The following CPSF2 variants were observed in gnomAD, a reference collection of about 807,000 sequenced individuals.
CPSF2 encodes cleavage and polyadenylation specificity factor subunit 2.
CPSF2 carries 51 observed loss-of-function variants against 84.2 expected under a neutral mutation model. The observed-to-expected ratio is 0.61, with a 90% CI of 0.48 to 0.77. The LOEUF is 0.77. CPSF2 is among the 30% of genes least tolerant of loss of function. The pLI, the probability that CPSF2 is intolerant of heterozygous loss-of-function variation, is 0.00. For missense variants in CPSF2, 641 were observed against 929.4 expected, an observed-to-expected ratio of 0.69 and a Z score of 4.03; for synonymous variants, 286 against 311.9, an observed-to-expected ratio of 0.92 and a Z score of 0.87.
Position 92,165,094 on chromosome 14 carries a change from A to G in CPSF2, c.*3350A>G, listed in dbSNP as rs1353939370. 2 of 152,228 alleles carry G rather than the reference A, an allele frequency of 1.3e-5. No individual in the cohort carries two copies. Among genetic ancestry groups the G allele is most frequent in the Non-Finnish European group, 1.5e-5 (1 of 68,046 alleles). 9.4% of individuals were successfully genotyped at this position (152,228 alleles called of 1,614,324 possible). A position where few individuals can be genotyped will look rare whatever the true frequency, so the allele number is the denominator to read the frequency against. On this transcript the variant is annotated 3_prime_UTR_variant, in exon 16 of 16. Transcript: ENST00000298875. ...GTTTTCAGAGTGCATCACTGTTGTA[A>G]CATGTATCAGTACCCTTTTTGTGAC... is the stretch of plus-strand genomic sequence containing the variant.
At chr14:92,130,697 T>C (rs1163143543) in intron 2 of CPSF2, among the ~76,000 whole-genome samples, 1 of 152,132 alleles carries the variant, frequency 6.6e-6, no homozygotes, top group Non-Finnish European at 1.5e-5. Flanking sequence ...ACTACCCCAC[T>C]AGGGAGCCAC....
At chr14:92,133,046 C>T (rs577471832) in intron 3 of CPSF2, among the ~76,000 whole-genome samples, 10 of 151,386 alleles carry the variant, frequency 6.6e-5, no homozygotes, top group South Asian at 4.2e-4. Flanking sequence ...GCCGAGGTTG[C>T]GCCAGTGCAC....
intron 6 of CPSF2, among the ~76,000 whole-genome samples, chr14:92,135,903 A>G (rs2068992599): frequency 1.3e-5 from 2 of 152,126 alleles, no homozygotes. Flanking sequence ...CATAATTCCC[A>G]CATGTTGTGG....
intron 11 of CPSF2, among the ~76,000 whole-genome samples, chr14:92,156,219 C>T (rs1277136282): frequency 1.3e-5 from 2 of 151,938 alleles, no homozygotes; most frequent in African/African-American, 4.8e-5. Context: ...AACAGGGAGG[C>T]GGAGGTTGCA....
rs1272890690 is a variant in CPSF2 at position 92,164,452 on chromosome 14, T to C, written c.*2708T>C. 6.6e-6 allele frequency: 1 copy of C among 152,216 alleles called. No individual in the cohort carries two copies. The highest frequency in any genetic ancestry group is 1.5e-5 in the Non-Finnish European group (1 of 68,044). The allele number at this position is 152,216 out of a possible 1,614,324, so 9.4% of individuals were successfully genotyped here. On this transcript the variant is annotated 3_prime_UTR_variant, in exon 16 of 16. Coordinates refer to ENST00000298875, the MANE Select transcript of CPSF2 (RefSeq NM_017437.3). ...TCAATTACTTCAGAAAATATAAATT[T>C]TAAAGATGACTATGAGATAAATCAT...
At chr14:92,129,646 T>A (rs895495095) in intron 2 of CPSF2, among the ~76,000 whole-genome samples, 6 of 152,194 alleles carry the variant, frequency 3.9e-5, no homozygotes, top group Admixed American at 3.9e-4. Flanking sequence ...TGCTAATGAA[T>A]ATTTTCATAA....
intron 9 of CPSF2, among the ~76,000 whole-genome samples, chr14:92,152,936 T>A (rs1312939283): frequency 1.3e-5 from 2 of 152,076 alleles, no homozygotes; most frequent in African/African-American, 2.4e-5. Context: ...TGATGGATTT[T>A]AAAATTTTGT....
At chr14:92,148,703 T>C (rs943988104) in intron 9 of CPSF2, among the ~76,000 whole-genome samples, 1 of 150,716 alleles carries the variant, frequency 6.6e-6, no homozygotes, top group African/African-American at 2.4e-5. Context: ...TCCCAGCTAT[T>C]GAGGCAAGAG....
Position 92,135,440 on chromosome 14 carries a change from C to A in CPSF2, c.489C>A (p.Val163=). The change falls in exon 6 of 16, where the codon GTC becomes GTA. Residue 163 remains valine (V), a synonymous_variant. Transcript: ENST00000298875. The part of the protein sequence containing the change: ...HMIGGTIWKI[V]KDGEEEIVYA... Reference sequence around the variant, plus strand: ...TAGGTGGAACAATATGGAAAATAGTCAAAGATGGAGAAGAAGAAATTGTTT... The same window carrying A: ...TAGGTGGAACAATATGGAAAATAGTAAAAGATGGAGAAGAAGAAATTGTTT... 1 of 1,613,230 alleles carries A rather than the reference C, an allele frequency of 6.2e-7. No individual in the cohort carries two copies. Among genetic ancestry groups the A allele is most frequent in the Non-Finnish European group, 8.5e-7 (1 of 1,179,602 alleles).
At position 92,138,452 on chromosome 14, in the gene CPSF2, C is replaced by T. The variant is rs768389070; in HGVS notation, c.661+105C>T. On this transcript the variant is annotated intron_variant, in intron 7 of 15. Transcript: ENST00000298875. ...TACAGGTTTCTTTTTTTTTTTGAGA[C>T]GGACTTTCGCTCTTTCACCCAGGCT... 1.9e-4 allele frequency: 99 copies of T among 523,166 alleles called. 2 individuals are homozygous for T. The East Asian group carries it at 2.1e-3, about 11-fold the overall frequency. The allele number at this position is 523,166 out of a possible 1,614,324, so 32.4% of individuals were successfully genotyped here.
rs1161668936 is a variant in CPSF2 at position 92,154,976 on chromosome 14, T to G, written c.1242-147T>G. On this transcript the variant is annotated intron_variant, in intron 10 of 15. Transcript: ENST00000298875. The stretch of plus-strand genomic sequence containing the variant: ...TATGGGACCTCTGTTGTATATGTGG[T>G]CTATTGTTGTTGACCGACATAACTG... 3.8e-5 allele frequency: 23 copies of G among 598,070 alleles called. No homozygotes were observed. In the Admixed American group the frequency reaches 6.9e-4, roughly 18 times the overall value. The allele number at this position is 598,070 out of a possible 1,614,324, so 37.0% of individuals were successfully genotyped here.
chr14:92,155,643 T>A (rs2069279499), intron 11 of CPSF2, among the ~76,000 whole-genome samples: 1 of 152,010 alleles, frequency 6.6e-6, no homozygotes. Context: ...AGGAAGAACT[T>A]TGGGGCTGTG....
chr14:92,158,106 GA>G (rs1191480287), intron 13 of CPSF2, among the ~76,000 whole-genome samples: 1 of 152,128 alleles, frequency 6.6e-6, no homozygotes, highest in African/African-American at 2.4e-5. Context: ...ATCAAGAGGG[GA>G]AACCACCCAC....
intron 9 of CPSF2, among the ~76,000 whole-genome samples, chr14:92,153,866 C>CT (rs767628179): frequency 0.023 from 2,845 of 121,618 alleles, 114 homozygotes; most frequent in African/African-American, 0.072. Flanking sequence ...CCACTCCTGG[C>CT]TTTTTTTTTT....
chr14:92,157,720 A>G lies in CPSF2; in HGVS notation c.1657A>G (p.Ile553Val). ...RSDGDSIKKI[I>V]NQMKPRQLII... is the part of the protein sequence containing the mutation. Reference sequence around the variant, plus strand: ...TGATGGGGATTCCATTAAAAAAATCATTAATCAGATGAAACCACGACAGTT... The same window carrying G: ...TGATGGGGATTCCATTAAAAAAATCGTTAATCAGATGAAACCACGACAGTT... The change falls in exon 13 of 16, where the codon ATT becomes GTT. Residue 553 changes from isoleucine (I) to valine (V), a missense_variant. Transcript: ENST00000298875. This position sits in a 1 kb window ranked among gnomAD's most constrained non-coding sequence, Gnocchi z 4.0. 7.4e-6 allele frequency: 12 copies of G among 1,614,156 alleles called. No individual in the cohort carries two copies. The highest frequency in any genetic ancestry group is 5.5e-5 in the South Asian group (5 of 91,076).
At chr14:92,126,316 A>T (rs2068844904) in intron 2 of CPSF2, 136 bp downstream of exon 2, 1 of 152,252 alleles carries the variant, frequency 6.6e-6, no homozygotes, top group South Asian at 2.1e-4. Context: ...GCTGCAAGAT[A>T]CCTTGCATGT....
intron 2 of CPSF2, among the ~76,000 whole-genome samples, chr14:92,126,493 A>C (rs1420433792): frequency 6.6e-6 from 1 of 152,180 alleles, no homozygotes; most frequent in East Asian, 1.9e-4. Context: ...CAAATAGAGA[A>C]TTAATGTCTT....
intron 9 of CPSF2, among the ~76,000 whole-genome samples, chr14:92,144,723 A>G (rs1048770605): frequency 1.4e-4 from 22 of 152,226 alleles, no homozygotes; most frequent in African/African-American, 5.3e-4. Flanking sequence ...TTTCACATTC[A>G]TAACTTCACA....
chr14:92,125,025 C>T lies in CPSF2; in HGVS notation c.-93-1097C>T, dbSNP rs8018374. 2.2e-3 allele frequency among the ~76,000 whole-genome samples: 335 copies of T among 152,180 alleles called. 2 individuals carry two copies. Among genetic ancestry groups the T allele is most frequent in the African/African-American group, 7.4e-3 (308 of 41,508 alleles). On this transcript the variant is annotated intron_variant, in intron 1 of 15. Transcript: ENST00000298875. ...TGTCAGGGTGGCTTCCTGGCAACCTCCATTGCCAGTTAAGGCATTTGGTTT... is the reference window on the plus strand; with the variant it reads ...TGTCAGGGTGGCTTCCTGGCAACCTTCATTGCCAGTTAAGGCATTTGGTTT...
Sources: allele counts gnomAD v4.1 joint callset (sites outside exome capture counted in the v4.1 genomes callset), GRCh38; gene constraint gnomAD v4.1.1; non-coding constraint Gnocchi (gnomAD v3.1); transcripts MANE v1.5; gene names NCBI Gene and HGNC (gene_info 2026-07-23, HGNC 2026-07-21).